Variants in ADAMTSL1 observed in about 807,000 individuals in gnomAD.
The protein encoded by ADAMTSL1 is ADAMTS like 1, also known as ADAMTS-like protein 1.
Under a neutral mutation model 201.8 loss-of-function variants are expected in ADAMTSL1, and 126 were observed. The observed-to-expected ratio is 0.62, with a 90% CI of 0.54 to 0.72. The LOEUF (loss-of-function observed/expected upper bound fraction) is 0.72, where lower values mean the gene tolerates loss of function less well. Ranked by LOEUF, ADAMTSL1 falls within the 30% of genes least tolerant of loss-of-function variation. The probability of loss-of-function intolerance (pLI) is 0.00; values close to 1 mark genes in which losing one functional copy is unlikely to be tolerated. For synonymous variants in ADAMTSL1, 1,121 were observed against 903.4 expected (o/e 1.24, Z -4.32); for missense variants, 2,679 against 2,277.8 (o/e 1.18, Z -3.59).
chr9:18,147,277 A>T (rs971199538), intron 1 of ADAMTSL1, among the ~76,000 whole-genome samples: 13 of 152,164 alleles, frequency 8.5e-5, no homozygotes, highest in African/African-American at 2.7e-4. Flanking sequence ...GGAATGTAAT[A>T]AATGGTTTTA....
chr9:17,975,154 C>T (rs1336676621), intron 1 of ADAMTSL1, among the ~76,000 whole-genome samples: 2 of 151,656 alleles, frequency 1.3e-5, no homozygotes, highest in Admixed American at 6.6e-5. Flanking sequence ...ATGGCCATTT[C>T]TATGTTTTCT....
chr9:18,356,297 T>C (rs970800716), intron 2 of ADAMTSL1, among the ~76,000 whole-genome samples: 2 of 152,268 alleles, frequency 1.3e-5, no homozygotes, highest in East Asian at 3.9e-4. Context: ...CAGGCTGTTC[T>C]TTCAGGCTTC....
chr9:18,612,900 A>T (rs1041579781), intron 4 of ADAMTSL1, among the ~76,000 whole-genome samples: 1 of 152,372 alleles, frequency 6.6e-6, no homozygotes, highest in South Asian at 2.1e-4. Context: ...CTACACAGCG[A>T]AAGAAACTAT....
intron 2 of ADAMTSL1, among the ~76,000 whole-genome samples, chr9:18,317,539 T>G (rs1400327131): frequency 6.6e-6 from 1 of 152,198 alleles, no homozygotes; most frequent in Non-Finnish European, 1.5e-5. Flanking sequence ...ACCTTGGATA[T>G]ATATAATTTT....
intron 2 of ADAMTSL1, among the ~76,000 whole-genome samples, chr9:18,272,007 A>T (rs1227701548): frequency 6.6e-6 from 1 of 150,498 alleles, no homozygotes; most frequent in Non-Finnish European, 1.5e-5. Context: ...TCCTTCGCCC[A>T]CTTTTTGATG....
At chr9:18,554,515 A>C (rs1820990389) in intron 3 of ADAMTSL1, among the ~76,000 whole-genome samples, 1 of 151,824 alleles carries the variant, frequency 6.6e-6, no homozygotes, top group East Asian at 1.9e-4. Flanking sequence ...ACCACTTTAC[A>C]TTCCCAAATG....
chr9:17,958,692 T>C (rs1360546012), intron 1 of ADAMTSL1, among the ~76,000 whole-genome samples: 3 of 152,114 alleles, frequency 2.0e-5, no homozygotes, highest in Admixed American at 2.0e-4. Flanking sequence ...ATTTGTGTAT[T>C]AAAACCAAAC....
chr9:18,889,195 G>T (rs948581038), intron 24 of ADAMTSL1, among the ~76,000 whole-genome samples: 1 of 152,124 alleles, frequency 6.6e-6, no homozygotes, highest in Non-Finnish European at 1.5e-5. Flanking sequence ...GTCACTTTCT[G>T]GTGAACCAAT....
chr9:18,282,947 A>G (rs1832848900), intron 2 of ADAMTSL1, among the ~76,000 whole-genome samples: 1 of 152,232 alleles, frequency 6.6e-6, no homozygotes, highest in Non-Finnish European at 1.5e-5. Flanking sequence ...GAAGTTTTCT[A>G]TACATGTCAG....
chr9:18,363,384 T>C (rs1318488929), intron 2 of ADAMTSL1, among the ~76,000 whole-genome samples: 1 of 152,202 alleles, frequency 6.6e-6, no homozygotes, highest in Non-Finnish European at 1.5e-5. Context: ...CCGACAAGCG[T>C]ATACAGGATT....
At chr9:18,711,335 T>C (rs947024098) in intron 14 of ADAMTSL1, among the ~76,000 whole-genome samples, 8 of 147,558 alleles carry the variant, frequency 5.4e-5, no homozygotes, top group South Asian at 2.2e-4. Context: ...TCTGAGGTAC[T>C]GGGTTCATCT....
intron 2 of ADAMTSL1, among the ~76,000 whole-genome samples, chr9:18,190,630 C>T (rs1330961233): frequency 6.6e-6 from 1 of 152,146 alleles, no homozygotes; most frequent in Non-Finnish European, 1.5e-5. Flanking sequence ...CAAATTTGAA[C>T]CCATTAAATA....
At chr9:18,067,627 T>C (rs754444248) in intron 1 of ADAMTSL1, among the ~76,000 whole-genome samples, 3 of 152,224 alleles carry the variant, frequency 2.0e-5, no homozygotes, top group Non-Finnish European at 4.4e-5. Context: ...GAAGAGATAT[T>C]ATTCACAGTC....
At chr9:18,649,061 A>T (rs1208445175) in intron 7 of ADAMTSL1, among the ~76,000 whole-genome samples, 2 of 152,096 alleles carry the variant, frequency 1.3e-5, no homozygotes, top group Non-Finnish European at 2.9e-5. Context: ...ACATAGTCCC[A>T]TATTTCTTGG....
intron 2 of ADAMTSL1, among the ~76,000 whole-genome samples, chr9:18,318,979 T>A (rs1182681135): frequency 6.6e-6 from 1 of 151,974 alleles, no homozygotes. Context: ...GAGGCCAAGG[T>A]GGGAGGATGG....
intron 2 of ADAMTSL1, among the ~76,000 whole-genome samples, chr9:18,305,604 G>A (rs1390644168): frequency 1.3e-5 from 2 of 152,176 alleles, no homozygotes; most frequent in Non-Finnish European, 2.9e-5. Flanking sequence ...GTTCAGACTG[G>A]GCAGAGCCCA....
At chr9:18,530,382 C>G (rs1354997498) in intron 2 of ADAMTSL1, among the ~76,000 whole-genome samples, 1 of 152,020 alleles carries the variant, frequency 6.6e-6, no homozygotes, top group Admixed American at 6.6e-5. Flanking sequence ...CTATTAAAGT[C>G]CCAATAGTTA....
Position 17,953,259 on chromosome 9 carries a change from C to T in ADAMTSL1, c.87+46337C>T, listed in dbSNP as rs529412779. On this transcript the variant is annotated intron_variant, in intron 1 of 29. Coordinates refer to the ADAMTSL1 transcript ENST00000680146. ...AATTAAACAAAAGCATGCTTTATGC[C>T]TGGTGGATAGGCTATCCTATAACTA... Among the ~76,000 whole-genome samples the T allele has an allele frequency of 2.6e-5, 4 of 152,238 alleles. No homozygotes were observed. In the South Asian group the frequency reaches 6.2e-4, roughly 24 times the overall value.
At chr9:18,481,158 C>T (rs1392652490) in intron 1 of ADAMTSL1, among the ~76,000 whole-genome samples, 3 of 152,116 alleles carry the variant, frequency 2.0e-5, no homozygotes, top group Non-Finnish European at 2.9e-5. Context: ...TTTTGTACAG[C>T]GATATATAAA....
Sources: allele counts gnomAD v4.1 joint callset (sites outside exome capture counted in the v4.1 genomes callset), GRCh38; gene constraint gnomAD v4.1.1; transcripts MANE v1.5; gene names NCBI Gene and HGNC (gene_info 2026-07-23, HGNC 2026-07-21).